CFAP300: variants seen among roughly 807,000 people sequenced by gnomAD.
CFAP300 encodes the protein cilia- and flagella-associated protein 300.
Under a neutral mutation model 33.0 loss-of-function variants are expected in CFAP300, and 32 were observed. That is an observed-to-expected ratio of 0.97 (90% CI 0.73 to 1.30). CFAP300 has a LOEUF of 1.30. Among genes scored for constraint, CFAP300 ranks in the 50% most tolerant of loss-of-function variants. The pLI is 0.00. For missense variants in CFAP300, 356 were observed against 318.1 expected (o/e 1.12, Z -0.90); for synonymous variants, 102 against 106.8 (o/e 0.95, Z 0.28).
intron 2 of CFAP300, among the ~76,000 whole-genome samples, chr11:102,049,875 G>C (rs1412854189): frequency 6.6e-6 from 1 of 152,060 alleles, no homozygotes; most frequent in Non-Finnish European, 1.5e-5. Flanking sequence ...CTGAGGCAGG[G>C]CATGGTGGCT....
intron 5 of CFAP300, among the ~76,000 whole-genome samples, chr11:102,078,929 A>G (rs1367127623): frequency 6.6e-6 from 1 of 152,018 alleles, no homozygotes; most frequent in Non-Finnish European, 1.5e-5. Context: ...AGGCTGGTCT[A>G]GAACTCCTAA....
At chr11:102,077,249 G>T (rs756730350) in intron 5 of CFAP300, among the ~76,000 whole-genome samples, 20 of 152,210 alleles carry the variant, frequency 1.3e-4, no homozygotes, top group African/African-American at 1.9e-4. Context: ...AATAAGTTTA[G>T]AACCTACACA....
At chr11:102,055,112 C>T (rs957564603) in intron 2 of CFAP300, among the ~76,000 whole-genome samples, 3 of 151,172 alleles carry the variant, frequency 2.0e-5, no homozygotes, top group African/African-American at 7.3e-5. Flanking sequence ...TCCTGAGTAG[C>T]TGGGATTACA....
At chr11:102,048,299 C>G (rs1355868285) in intron 2 of CFAP300, among the ~76,000 whole-genome samples, 1 of 151,976 alleles carries the variant, frequency 6.6e-6, no homozygotes, top group Non-Finnish European at 1.5e-5. Flanking sequence ...GCAGTAGCAC[C>G]ATCTCAGCTC....
intron 4 of CFAP300, among the ~76,000 whole-genome samples, chr11:102,067,451 A>G (rs1318544721): frequency 2.6e-5 from 4 of 152,328 alleles, no homozygotes; most frequent in Admixed American, 2.0e-4. Context: ...TGGATTAACT[A>G]AATTCAAATT....
chr11:102,077,409 G>A (rs1005584850), intron 5 of CFAP300, among the ~76,000 whole-genome samples: 38 of 152,256 alleles, frequency 2.5e-4, no homozygotes, highest in African/African-American at 8.9e-4. Flanking sequence ...ATCCATTCTA[G>A]CACAGTCCAT....
At chr11:102,059,683 G>C (rs1345697214) in intron 3 of CFAP300, among the ~76,000 whole-genome samples, 33 of 152,014 alleles carry the variant, frequency 2.2e-4, no homozygotes, top group Admixed American at 2.1e-3. Flanking sequence ...GGGCAAGAAT[G>C]GTCAGTTCTG....
chr11:102,082,449 T>C (rs1012053999), intron 6 of CFAP300, among the ~76,000 whole-genome samples: 3 of 152,120 alleles, frequency 2.0e-5, no homozygotes, highest in African/African-American at 7.2e-5. Flanking sequence ...GTTGCAATAT[T>C]AGCACTTTAA....
chr11:102,063,175 A>G (rs1464006586), intron 3 of CFAP300, among the ~76,000 whole-genome samples: 3 of 152,230 alleles, frequency 2.0e-5, no homozygotes, highest in Non-Finnish European at 2.9e-5. Context: ...TCAGGGCTCT[A>G]CCGCCACCAG....
chr11:102,057,288 G>C, intron 2 of CFAP300, among the ~76,000 whole-genome samples: 1 of 150,182 alleles, frequency 6.7e-6, no homozygotes, highest in East Asian at 2.0e-4. Flanking sequence ...GCAGTAAGCC[G>C]AGATCGCACC....
intron 2 of CFAP300, among the ~76,000 whole-genome samples, chr11:102,058,386 AT>A (rs1240234513): frequency 2.0e-5 from 3 of 151,866 alleles, no homozygotes; most frequent in Non-Finnish European, 4.4e-5. Flanking sequence ...CCCAGTCATC[AT>A]GCTCATAAAC....
At chr11:102,072,879 A>G (rs1161554206) in intron 4 of CFAP300, among the ~76,000 whole-genome samples, 1 of 151,978 alleles carries the variant, frequency 6.6e-6, no homozygotes, top group Non-Finnish European at 1.5e-5. Context: ...TGTAGTCTCC[A>G]TATGATTTAT....
intron 2 of CFAP300, among the ~76,000 whole-genome samples, chr11:102,058,282 T>TTA (rs1361490938): frequency 6.6e-6 from 1 of 151,920 alleles, no homozygotes; most frequent in East Asian, 1.9e-4. Context: ...CTTTTTTATT[T>TTA]TATATATTTT....
chr11:102,048,831 A>C (rs1941926930), intron 2 of CFAP300, among the ~76,000 whole-genome samples: 1 of 152,086 alleles, frequency 6.6e-6, no homozygotes, highest in Non-Finnish European at 1.5e-5. Context: ...CCTCAATCAA[A>C]TGGAAAATAC....
chr11:102,052,847 C>A (rs1387593599), intron 2 of CFAP300, among the ~76,000 whole-genome samples: 2 of 152,136 alleles, frequency 1.3e-5, no homozygotes, highest in Non-Finnish European at 2.9e-5. Flanking sequence ...AGTCTTTTTC[C>A]AGCCCTTCAA....
chr11:102,075,241 A>T lies in CFAP300; in HGVS notation c.436-632A>T, dbSNP rs372006558. The stretch of plus-strand genomic sequence containing the variant: ...AGTGGTCTGTATTTCCCAATGGCAT[A>T]AGAAAATCCCCTACATCGGATCTAG... On this transcript the variant is annotated intron_variant, in intron 4 of 6. Transcript: ENST00000434758. 1.3e-4 allele frequency among the ~76,000 whole-genome samples: 20 copies of T among 152,330 alleles called. No homozygotes were observed. The East Asian group carries it at 2.1e-3, about 16-fold the overall frequency.
intron 4 of CFAP300, 46 bp downstream of exon 4, chr11:102,066,697 A>G (rs749077338): frequency 6.5e-7 from 1 of 1,543,844 alleles, no homozygotes; most frequent in South Asian, 1.3e-5. Flanking sequence ...TTATTTCAGG[A>G]AATGCAAAAA....
intron 3 of CFAP300, among the ~76,000 whole-genome samples, chr11:102,064,429 T>C (rs181342039): frequency 2.6e-5 from 4 of 152,294 alleles, no homozygotes; most frequent in Admixed American, 2.6e-4. Flanking sequence ...CCTCAGAGGA[T>C]CTTACCTCTA....
chr11:102,073,880 C>G (rs960145028), intron 4 of CFAP300, among the ~76,000 whole-genome samples: 1 of 152,104 alleles, frequency 6.6e-6, no homozygotes. Context: ...GGTGGGAGAT[C>G]CCATCTTCAG....
Sources: allele counts gnomAD v4.1 joint callset (sites outside exome capture counted in the v4.1 genomes callset), GRCh38; gene constraint gnomAD v4.1.1; transcripts MANE v1.5; gene names NCBI Gene and HGNC (gene_info 2026-07-23, HGNC 2026-07-21).